The following LZIC variants were observed in gnomAD, a reference collection of about 807,000 sequenced individuals.
LZIC encodes leucine zipper and CTNNBIP1 domain containing.
In LZIC, 28 loss-of-function variants were observed where a neutral mutation model predicts 25.4. That is an observed-to-expected ratio of 1.10 (90% CI 0.82 to 1.51). The LOEUF is 1.51. Ranked by LOEUF, LZIC falls within the 40% of genes most tolerant of loss-of-function variation. The pLI, the probability that LZIC is intolerant of heterozygous loss-of-function variation, is 0.00. For missense variants in LZIC, 170 were observed against 211.1 expected (o/e 0.81, Z 1.21); for synonymous variants, 65 against 70.7 (o/e 0.92, Z 0.40).
At chr1:9,934,894 T>G in intron 4 of LZIC, 34 bp from the exon 5 acceptor site, 1 of 1,458,336 alleles carries the variant, frequency 6.9e-7, no homozygotes, top group Non-Finnish European at 9.6e-7. Flanking sequence ...CTAACCAAAA[T>G]AGTCCAACAA....
chr1:9,941,719 G>C (rs1640748662), intron 2 of LZIC, among the ~76,000 whole-genome samples: 5 of 150,896 alleles, frequency 3.3e-5, no homozygotes, highest in Non-Finnish European at 7.4e-5. Flanking sequence ...GGATGGTCTC[G>C]ATCTCTTGCC....
intron 2 of LZIC, among the ~76,000 whole-genome samples, chr1:9,941,391 C>T (rs1640724063): frequency 6.6e-6 from 1 of 151,908 alleles, no homozygotes; most frequent in Non-Finnish European, 1.5e-5. Flanking sequence ...GATGAGGTTT[C>T]ACCATGTTGG....
At chr1:9,933,182 G>A (rs987976130) in intron 5 of LZIC, among the ~76,000 whole-genome samples, 2 of 143,558 alleles carry the variant, frequency 1.4e-5, no homozygotes, top group Admixed American at 7.4e-5. Context: ...GTGAACCCGG[G>A]AGGTGGAGCT....
chr1:9,936,584 T>G lies in LZIC; in HGVS notation c.36A>C (p.Leu12Phe). 2 of 1,613,696 alleles carry G rather than the reference T, an allele frequency of 1.2e-6. No individual in the cohort carries two copies. Among genetic ancestry groups the G allele is most frequent in the Non-Finnish European group, 1.7e-6 (2 of 1,179,646 alleles). Reference protein sequence around the residue: ...ASRGKTETSKLKQNLEEQLDR... With the variant: ...ASRGKTETSKFKQNLEEQLDR... ...CCAACTGTTCTTCTAAATTCTGCTT[T>G]AATTTGCTTGTCTCTGTCTTTCCTC... is the stretch of plus-strand genomic sequence containing the variant. The change falls in exon 3 of 8, where the codon TTA becomes TTC. Residue 12 changes from leucine (L) to phenylalanine (F), a missense_variant. By Grantham distance (22) the Leu-to-Phe change is conservative. Transcript: ENST00000377223.
At chr1:9,943,090 TG>T (rs1251284082) in intron 1 of LZIC, 158 bp downstream of exon 1, 6 of 212,194 alleles carry the variant, frequency 2.8e-5, no homozygotes, top group Admixed American at 5.0e-5. Flanking sequence ...CCAACAGGAC[TG>T]GGTGAAGAAT....
In LZIC at chr1:9,932,108, G is replaced by C. The variant is rs922038701; in HGVS notation, c.433-136C>G. The C allele has an allele frequency of 1.4e-4, 68 of 492,432 alleles. 2 individuals are homozygous for C. Among genetic ancestry groups the C allele is most frequent in the East Asian group, 4.1e-4 (10 of 24,254 alleles). The allele number at this position is 492,432 out of a possible 1,614,324, so 30.5% of individuals were successfully genotyped here. ...CCTGCACTTTGGGAGGCGTGGGGGG[G>C]GGGGGGGGGTGGATCACATGAGGTC... is the stretch of plus-strand genomic sequence containing the variant. On this transcript the variant is annotated intron_variant, in intron 6 of 7. Transcript: ENST00000377223.
intron 5 of LZIC, among the ~76,000 whole-genome samples, chr1:9,934,543 C>T (rs897457671): frequency 1.3e-5 from 2 of 152,138 alleles, no homozygotes; most frequent in Non-Finnish European, 2.9e-5. Context: ...AAGGTGGAGT[C>T]CAGGTAGAAG....
At position 9,934,768 on chromosome 1, in the gene LZIC, TA is replaced by T; in HGVS notation, c.329del (p.Leu110Ter). ...CAATTTAAAGAAATTTTACCTCTGC[TA>T]ACCTTGTCCGAAGCTGACCTGGTTG... The part of the protein sequence containing the change: ...KKQPGQLRTR[L>X]AEMDRDLMVG... On this transcript the variant is annotated frameshift_variant, in exon 5 of 8. Coordinates refer to ENST00000377223, the MANE Select transcript of LZIC (RefSeq NM_032368.5). LOFTEE classifies it high-confidence loss of function. 1 of 1,613,648 alleles carries T rather than the reference TA, an allele frequency of 6.2e-7. No homozygotes were observed. The highest frequency in any genetic ancestry group is 8.5e-7 in the Non-Finnish European group (1 of 1,179,554).
At position 9,928,763 on chromosome 1, in the gene LZIC, C is replaced by A. The variant is rs1640093265; in HGVS notation, c.*1636G>T. On this transcript the variant is annotated 3_prime_UTR_variant, in exon 8 of 8. Transcript: ENST00000377223. Reference sequence around the variant, plus strand: ...TGGTGGTACACACTAGTAATCCCAGCTACTTGGGAAGCTGAGGCAGGAGAA... The same window carrying A: ...TGGTGGTACACACTAGTAATCCCAGATACTTGGGAAGCTGAGGCAGGAGAA... Among the ~76,000 whole-genome samples the A allele has an allele frequency of 4.0e-5, 6 of 150,938 alleles. No homozygotes were observed. Among genetic ancestry groups the A allele is most frequent in the Middle Eastern group, 3.4e-3 (1 of 292 alleles).
Position 9,931,888 on chromosome 1 carries a change from C to T in LZIC, c.514+3G>A. 2 of 1,608,188 alleles carry T rather than the reference C, an allele frequency of 1.2e-6. No homozygotes were observed. Among genetic ancestry groups the T allele is most frequent in the Non-Finnish European group, 1.7e-6 (2 of 1,176,314 alleles). ...CAGCTTTCAGAAATATGAGGGCACTCACCAAGGTCTGTAGAGACTTTCTCA... is the reference window on the plus strand; with the variant it reads ...CAGCTTTCAGAAATATGAGGGCACTTACCAAGGTCTGTAGAGACTTTCTCA... On this transcript the variant is annotated splice_donor_region_variant and intron_variant, in intron 7 of 7. Coordinates refer to ENST00000377223, the MANE Select transcript of LZIC (RefSeq NM_032368.5).
chr1:9,938,449 A>G (rs746763701), intron 2 of LZIC, among the ~76,000 whole-genome samples: 1 of 152,156 alleles, frequency 6.6e-6, no homozygotes, highest in Admixed American at 6.5e-5. Flanking sequence ...GTGTAAGCCC[A>G]CAAGCCCAGC....
At chr1:9,942,105 T>C (rs770262021) in intron 2 of LZIC, among the ~76,000 whole-genome samples, 4 of 151,854 alleles carry the variant, frequency 2.6e-5, no homozygotes, top group Non-Finnish European at 4.4e-5. Flanking sequence ...TTAGTAGAGA[T>C]GGGGTTTCAC....
chr1:9,924,424 A>G (rs751093204), downstream of LZIC, among the ~76,000 whole-genome samples: 1 of 151,660 alleles, frequency 6.6e-6, no homozygotes. Context: ...GCGCGATCTC[A>G]GCTCACTGCA....
chr1:9,934,950 A>G, intron 4 of LZIC, 90 bp from the exon 5 acceptor site: 1 of 967,440 alleles, frequency 1.0e-6, no homozygotes, highest in Non-Finnish European at 1.7e-6. Context: ...ATTTTTATCA[A>G]GGTTTACTGG....
downstream of LZIC, among the ~76,000 whole-genome samples, chr1:9,926,174 G>A (rs1639978017): frequency 1.3e-5 from 2 of 152,130 alleles, no homozygotes; most frequent in East Asian, 1.9e-4. Context: ...TGTGAGCCAC[G>A]GCGCCCTGCC....
chr1:9,933,313 T>C (rs916261048), intron 5 of LZIC, among the ~76,000 whole-genome samples: 1 of 135,398 alleles, frequency 7.4e-6, no homozygotes, highest in Non-Finnish European at 1.6e-5. Flanking sequence ...CACATACATA[T>C]AGCTTTTCAG....
In LZIC at chr1:9,926,890, T is replaced by G. The variant is rs1266658868; in HGVS notation, c.*3509A>C. On this transcript the variant is annotated 3_prime_UTR_variant, in exon 8 of 8. Coordinates refer to ENST00000377223, the MANE Select transcript of LZIC (RefSeq NM_032368.5). ...TTTAATAACTATAATTGCATAGAATTTACTCACTTTTCAAATACTTATTCT... is the reference window on the plus strand; with the variant it reads ...TTTAATAACTATAATTGCATAGAATGTACTCACTTTTCAAATACTTATTCT... 6.6e-6 allele frequency among the ~76,000 whole-genome samples: 1 copy of G among 152,216 alleles called. No homozygotes were observed. Among genetic ancestry groups the G allele is most frequent in the Admixed American group, 6.5e-5 (1 of 15,276 alleles).
chr1:9,935,749 T>C lies in LZIC; in HGVS notation c.102-122A>G. Reference sequence around the variant, plus strand: ...TATCAAAATGCTGATGGTGAATGTGTTCACATAGTAGTAGTGAGGGCATTT... The same window carrying C: ...TATCAAAATGCTGATGGTGAATGTGCTCACATAGTAGTAGTGAGGGCATTT... On this transcript the variant is annotated intron_variant, in intron 3 of 7. Coordinates refer to ENST00000377223, the MANE Select transcript of LZIC (RefSeq NM_032368.5). The C allele has an allele frequency of 7.7e-6, 7 of 913,588 alleles. No individual in the cohort carries two copies. In the South Asian group the frequency reaches 1.0e-4, roughly 14 times the overall value. 56.6% of individuals were successfully genotyped at this position (913,588 alleles called of 1,614,324 possible).
rs367952447 is a variant in LZIC, at chr1:9,933,082, G to A, written c.337-184C>T. On this transcript the variant is annotated intron_variant, in intron 5 of 7. Coordinates refer to ENST00000377223, the MANE Select transcript of LZIC (RefSeq NM_032368.5). ...ATCCTGGCTAACACGGTGAAACCCC[G>A]TCTCTACTAAAAATACAAAAAAAGT... Among the ~76,000 whole-genome samples the A allele has an allele frequency of 7.3e-4, 111 of 151,280 alleles. 1 individual carries two copies. Among genetic ancestry groups the A allele is most frequent in the African/African-American group, 2.4e-3 (99 of 41,260 alleles).
Sources: gnomAD v4.1 joint callset for allele counts (sites outside exome capture counted in the v4.1 genomes callset) on GRCh38, gnomAD v4.1.1 for gene constraint, MANE v1.5 for transcripts, NCBI Gene and HGNC (gene_info 2026-07-23, HGNC 2026-07-21) for gene names.